Variants in ST7L observed in about 807,000 individuals in gnomAD.
The protein encoded by ST7L is suppression of tumorigenicity 7 like, also known as suppressor of tumorigenicity 7 protein-like.
Under a neutral mutation model 72.5 loss-of-function variants are expected in ST7L, and 57 were observed. The observed-to-expected ratio is 0.79, with a 90% CI of 0.64 to 0.98. The LOEUF is 0.98. Ranked by LOEUF, ST7L falls within the 50% of genes least tolerant of loss-of-function variation. The pLI, the probability that ST7L is intolerant of heterozygous loss-of-function variation, is 0.00. For missense variants in ST7L, 576 were observed against 672.2 expected (o/e 0.86, Z 1.58); for synonymous variants, 221 against 240.9 (o/e 0.92, Z 0.77).
chr1:112,553,103 CA>C (rs1167010765), intron 12 of ST7L, among the ~76,000 whole-genome samples: 1 of 151,124 alleles, frequency 6.6e-6, no homozygotes, highest in African/African-American at 2.4e-5. Context: ...AAAAACAAAA[CA>C]AAACAAAAAA....
chr1:112,550,373 T>C (rs1290986100), intron 13 of ST7L, among the ~76,000 whole-genome samples: 1 of 152,206 alleles, frequency 6.6e-6, no homozygotes, highest in African/African-American at 2.4e-5. Flanking sequence ...TGACAGTTCT[T>C]GTTAATATCT....
At chr1:112,534,987 T>C (rs1447575271) in intron 14 of ST7L, among the ~76,000 whole-genome samples, 1 of 152,210 alleles carries the variant, frequency 6.6e-6, no homozygotes, top group Non-Finnish European at 1.5e-5. Context: ...ACCTCATACT[T>C]GACAGGCACA....
intron 7 of ST7L, 104 bp downstream of exon 7, chr1:112,583,868 A>T: frequency 7.5e-7 from 1 of 1,333,102 alleles, no homozygotes; most frequent in Non-Finnish European, 1.0e-6. Flanking sequence ...AGTGAAAATT[A>T]ACTAACCTGT....
chr1:112,576,703 A>G (rs1663154859), intron 11 of ST7L, among the ~76,000 whole-genome samples: 1 of 152,216 alleles, frequency 6.6e-6, no homozygotes, highest in Non-Finnish European at 1.5e-5. Context: ...AGACCAACCC[A>G]TTATTTATTT....
rs138696086 is a variant in ST7L, at chr1:112,596,714, G to A, written c.622+1257C>T. Among the ~76,000 whole-genome samples the A allele has an allele frequency of 4.3e-3, 648 of 151,712 alleles. 4 individuals are homozygous for A. Among genetic ancestry groups the A allele is most frequent in the African/African-American group, 0.015 (622 of 41,338 alleles). On this transcript the variant is annotated intron_variant, in intron 5 of 14. Transcript: ENST00000358039. ...GTGCAATGGCCCAATCTCAGCTCAC[G>A]GCAAACTCCACCTCCGGGATTCAAG...
In ST7L at chr1:112,591,537, T is replaced by G; in HGVS notation, c.689A>C (p.Glu230Ala). The G allele has an allele frequency of 1.9e-6, 3 of 1,610,644 alleles. No homozygotes were observed. Among genetic ancestry groups the G allele is most frequent in the Non-Finnish European group, 1.7e-6 (2 of 1,179,390 alleles). ...ATTTCAAACTTACTCATTGTTTAAT[T>G]CTAAAGCTTGATAGGCTGCTTTGAT... is the stretch of plus-strand genomic sequence containing the variant. ...ARIKAAYQAL[E>A]LNNDCATAYV... Residue 230 changes from glutamate (E) to alanine (A), a missense_variant, in exon 6 of 15, where the codon GAA becomes GCA. Physicochemically the swap from Glu to Ala is moderately radical, Grantham distance 107. Around this residue, in one of 3 missense-constraint regions of ST7L, gnomAD observed 511 missense variants for 600.7 expected, o/e 0.85. Transcript: ENST00000358039.
rs369078131 is a variant in ST7L, at chr1:112,576,997, G to A, written c.1234C>T (p.His412Tyr). The A allele has an allele frequency of 4.4e-6, 7 of 1,598,472 alleles. No homozygotes were observed. In the East Asian group the frequency reaches 1.6e-4, roughly 36 times the overall value. ...AIHRAVEFNP[H>Y]VPKYLLEMKS... Reference sequence around the variant, plus strand: ...ATAAAATTTCTCACTTTTGGAACATGAGGATTAAATTCCACAGCTCTATGA... The same window carrying A: ...ATAAAATTTCTCACTTTTGGAACATAAGGATTAAATTCCACAGCTCTATGA... The change falls in exon 11 of 15, where the codon CAT (histidine) becomes TAT (tyrosine). Residue 412 changes from histidine to tyrosine, a missense_variant. His to Tyr is a moderately conservative substitution (Grantham distance 83, BLOSUM62 2). Transcript: ENST00000358039.
chr1:112,619,137 G>T lies in ST7L; in HGVS notation c.-24C>A, dbSNP rs1377107563. On this transcript the variant is annotated 5_prime_UTR_variant, in exon 1 of 15. Coordinates refer to ENST00000358039, the MANE Select transcript of ST7L (RefSeq NM_017744.5). ...ATCTTGCCGCTATCGCAGGCGCCAG[G>T]AGCTGGGAGGGGAGAAGGACAGGAA... is the stretch of plus-strand genomic sequence containing the variant. 6.2e-7 allele frequency: 1 copy of T among 1,609,702 alleles called. No individual in the cohort carries two copies. Among genetic ancestry groups the T allele is most frequent in the Admixed American group, 1.7e-5 (1 of 59,646 alleles).
In ST7L at chr1:112,597,961, T is replaced by G; in HGVS notation, c.622+10A>C. 6.3e-7 allele frequency: 1 copy of G among 1,597,384 alleles called. No homozygotes were observed. On this transcript the variant is annotated intron_variant, in intron 5 of 14. Transcript: ENST00000358039. Reference sequence around the variant, plus strand: ...TCACTGTTTATACTATGAACAGATATGATACATACCTGTGTCTGAAGGACG... The same window carrying G: ...TCACTGTTTATACTATGAACAGATAGGATACATACCTGTGTCTGAAGGACG...
chr1:112,548,617 C>A (rs888852966), intron 13 of ST7L, among the ~76,000 whole-genome samples: 2 of 152,170 alleles, frequency 1.3e-5, no homozygotes, highest in African/African-American at 2.4e-5. Context: ...CCTTCCTAGA[C>A]TTCAGTTTTA....
intron 14 of ST7L, among the ~76,000 whole-genome samples, chr1:112,537,018 T>C (rs1009033216): frequency 3.0e-4 from 46 of 151,716 alleles, no homozygotes; most frequent in Non-Finnish European, 1.3e-4. Flanking sequence ...TTTTTTGAGA[T>C]GGAGTCTCAC....
chr1:112,557,539 G>A (rs1241718680), intron 11 of ST7L, among the ~76,000 whole-genome samples: 8 of 152,188 alleles, frequency 5.3e-5, no homozygotes, highest in Non-Finnish European at 2.9e-5. Flanking sequence ...TATGAATAAT[G>A]TTGTTATAAA....
chr1:112,540,141 A>C (rs939793977), intron 14 of ST7L: 1 of 985,320 alleles, frequency 1.0e-6, no homozygotes, highest in African/African-American at 1.7e-5. Context: ...CTTGCACCCC[A>C]TGGAAATATA....
At chr1:112,600,592 T>C (rs1667234890) in intron 4 of ST7L, among the ~76,000 whole-genome samples, 1 of 151,644 alleles carries the variant, frequency 6.6e-6, no homozygotes, top group Non-Finnish European at 1.5e-5. Flanking sequence ...CAAGACTCTA[T>C]CTCTAAAAAA....
chr1:112,556,013 T>C lies in ST7L; in HGVS notation c.1251A>G (p.Leu417=). The change falls in exon 12 of 15, where the codon TTA becomes TTG. Residue 417 remains leucine (L), a synonymous_variant. Coordinates refer to ENST00000358039, the MANE Select transcript of ST7L (RefSeq NM_017744.5). ...VEFNPHVPKY[L]LEMKSLILPP... ...GTAAAATTAAACTTTTCATCTCTAA[T>C]AAATACTGAAAGAGTAACACACAGA... The C allele has an allele frequency of 3.1e-6, 5 of 1,597,416 alleles. No homozygotes were observed. Among genetic ancestry groups the C allele is most frequent in the Non-Finnish European group, 4.3e-6 (5 of 1,171,736 alleles).
At chr1:112,534,170 T>C (rs1654822592) in intron 14 of ST7L, among the ~76,000 whole-genome samples, 1 of 152,190 alleles carries the variant, frequency 6.6e-6, no homozygotes, top group Admixed American at 6.5e-5. Flanking sequence ...ATTTAACTCT[T>C]TTAGGAAAGT....
rs146171199 is a variant in ST7L, at chr1:112,539,906, T to C, written c.1629+2045A>G. ...TCTTAACACTATATACCATCACCTA[T>C]ACAGATACCAAAATAAATGCTTGTT... On this transcript the variant is annotated intron_variant, in intron 14 of 14. Coordinates refer to ENST00000358039, the MANE Select transcript of ST7L (RefSeq NM_017744.5). The C allele has an allele frequency of 9.7e-4, 956 of 985,394 alleles. 3 individuals carry two copies. In the African/African-American group the frequency reaches 0.016, roughly 16 times the overall value. 61.0% of individuals were successfully genotyped at this position (985,394 alleles called of 1,614,324 possible). A position where few individuals can be genotyped will look rare whatever the true frequency, so the allele number is the denominator to read the frequency against.
At chr1:112,542,461 C>T (rs2101404664) in intron 13 of ST7L, among the ~76,000 whole-genome samples, 1 of 152,246 alleles carries the variant, frequency 6.6e-6, no homozygotes, top group East Asian at 1.9e-4. Flanking sequence ...ATTTTAAGTG[C>T]TTAATGTGAG....
At chr1:112,568,379 C>G (rs1661403059) in intron 11 of ST7L, among the ~76,000 whole-genome samples, 1 of 147,768 alleles carries the variant, frequency 6.8e-6, no homozygotes, top group Non-Finnish European at 1.5e-5. Flanking sequence ...CTTTGTCGCC[C>G]AGGCTGGAGT....
Sources: gnomAD v4.1 joint callset for allele counts (sites outside exome capture counted in the v4.1 genomes callset) on GRCh38, gnomAD v4.1.1 for gene constraint, gnomAD v4.1.1 regional missense constraint, MANE v1.5 for transcripts, NCBI Gene and HGNC (gene_info 2026-07-23, HGNC 2026-07-21) for gene names.